Variants in CDYL2 observed in about 807,000 individuals in gnomAD.
The protein encoded by CDYL2 is chromodomain Y-like protein 2.
A neutral mutation model predicts 49.4 loss-of-function variants in CDYL2; 23 were observed. The observed-to-expected ratio is 0.47, with a 90% CI of 0.34 to 0.66. The LOEUF (loss-of-function observed/expected upper bound fraction) is 0.66. Ranked by LOEUF, CDYL2 falls within the 30% of genes least tolerant of loss-of-function variation. The pLI, the probability that CDYL2 is intolerant of heterozygous loss-of-function variation, is 0.01. For synonymous variants in CDYL2, 360 were observed against 268.8 expected (o/e 1.34, Z -3.32); for missense variants, 678 against 656.4 (o/e 1.03, Z -0.36).
At chr16:80,716,154 C>T (rs1904791394) in intron 1 of CDYL2, among the ~76,000 whole-genome samples, 1 of 152,248 alleles carries the variant, frequency 6.6e-6, no homozygotes. Context: ...ACTGTTCACT[C>T]CTCATTCTTA....
At chr16:80,631,953 G>A (rs1047148979) in intron 3 of CDYL2, among the ~76,000 whole-genome samples, 1 of 152,148 alleles carries the variant, frequency 6.6e-6, no homozygotes, top group African/African-American at 2.4e-5. Context: ...ACGTAAAATG[G>A]GGGACCCACT....
intron 1 of CDYL2, among the ~76,000 whole-genome samples, chr16:80,713,318 G>T (rs182568413): frequency 1.3e-5 from 2 of 152,340 alleles, no homozygotes; most frequent in East Asian, 1.9e-4. Flanking sequence ...TGTGGGAGAA[G>T]TCTGCAATCA....
At chr16:80,646,290 T>A (rs4366717) in intron 2 of CDYL2, among the ~76,000 whole-genome samples, 77,621 of 151,694 alleles carry the variant, frequency 0.51, 21,915 homozygotes, top group African/African-American at 0.74. Context: ...TACAAAAAAA[T>A]TAACAAACAA....
intron 3 of CDYL2, among the ~76,000 whole-genome samples, chr16:80,624,214 G>T (rs1013586485): frequency 1.3e-5 from 2 of 152,204 alleles, no homozygotes; most frequent in African/African-American, 4.8e-5. Flanking sequence ...GGAAGCCTAT[G>T]ATGGAATCGG....
rs938129660 is a variant in CDYL2, at chr16:80,804,576, C to T, written c.-403G>A. Among the ~76,000 whole-genome samples, 1 of 145,318 alleles carries T rather than the reference C, an allele frequency of 6.9e-6. No homozygotes were observed. Among genetic ancestry groups the T allele is most frequent in the Admixed American group, 6.8e-5 (1 of 14,712 alleles). ...GCAGGAAGCCGCCCGGCGCCCGCCG[C>T]CGGCCCGGACGCTGCTGCCACTGGG... On this transcript the variant is annotated 5_prime_UTR_variant, in exon 1 of 7. Coordinates refer to ENST00000570137, the MANE Select transcript of CDYL2 (RefSeq NM_152342.4).
chr16:80,650,349 G>C (rs1424790821), intron 2 of CDYL2, among the ~76,000 whole-genome samples: 1 of 152,200 alleles, frequency 6.6e-6, no homozygotes, highest in Non-Finnish European at 1.5e-5. Context: ...ATGGCAAACA[G>C]GGATATGAAA....
At chr16:80,712,033 A>G (rs368532064) in intron 1 of CDYL2, among the ~76,000 whole-genome samples, 12 of 150,466 alleles carry the variant, frequency 8.0e-5, no homozygotes, top group South Asian at 4.2e-4. Flanking sequence ...ATATGTGTGT[A>G]TATATATGTG....
chr16:80,710,666 T>C (rs1205984769), intron 1 of CDYL2, among the ~76,000 whole-genome samples: 1 of 152,206 alleles, frequency 6.6e-6, no homozygotes, highest in Non-Finnish European at 1.5e-5. Flanking sequence ...ATGATTTTAG[T>C]TGTATTGTCA....
intron 1 of CDYL2, among the ~76,000 whole-genome samples, chr16:80,802,730 G>C (rs927692613): frequency 3.9e-5 from 6 of 152,160 alleles, no homozygotes; most frequent in Admixed American, 6.5e-5. Flanking sequence ...GGTCACACAG[G>C]AGACCTGTGC....
chr16:80,620,597 C>A (rs981394953), intron 4 of CDYL2, among the ~76,000 whole-genome samples, 166 bp downstream of exon 4: 2 of 152,162 alleles, frequency 1.3e-5, no homozygotes, highest in Non-Finnish European at 2.9e-5. Context: ...AGATAAATAA[C>A]CAACATTTTA....
rs140839913 is a variant in CDYL2, at chr16:80,644,483, T to C, written c.617-11247A>G. ...CACTCTACTTGTACCAATTTCATGC[T>C]GCTGATAAAGACACTGGGTAGACTG... is the stretch of plus-strand genomic sequence containing the variant. On this transcript the variant is annotated intron_variant, in intron 2 of 6. Coordinates refer to ENST00000570137, the MANE Select transcript of CDYL2 (RefSeq NM_152342.4). Among the ~76,000 whole-genome samples the C allele has an allele frequency of 2.6e-3, 395 of 152,322 alleles. 1 individual carries two copies. Among genetic ancestry groups the C allele is most frequent in the African/African-American group, 8.7e-3 (360 of 41,570 alleles).
intron 4 of CDYL2, among the ~76,000 whole-genome samples, chr16:80,613,899 T>C (rs1241823989): frequency 1.3e-5 from 2 of 152,222 alleles, no homozygotes; most frequent in African/African-American, 4.8e-5. Flanking sequence ...CTGCCTCAGC[T>C]TACCTCTCCA....
At chr16:80,666,227 G>C (rs761178144) in intron 2 of CDYL2, among the ~76,000 whole-genome samples, 1 of 152,146 alleles carries the variant, frequency 6.6e-6, no homozygotes, top group Non-Finnish European at 1.5e-5. Context: ...CTACCTGCCT[G>C]CTCTTATCAG....
chr16:80,738,168 C>T (rs1037619413), intron 1 of CDYL2, among the ~76,000 whole-genome samples: 1 of 152,162 alleles, frequency 6.6e-6, no homozygotes. Context: ...TTTCCAGCTT[C>T]ATCCATGTCC....
intron 1 of CDYL2, among the ~76,000 whole-genome samples, chr16:80,692,273 T>C (rs1910447374): frequency 6.6e-6 from 1 of 152,228 alleles, no homozygotes; most frequent in South Asian, 2.1e-4. Context: ...CTGAATTATC[T>C]GCCTCATCCC....
At position 80,804,514 on chromosome 16, in the gene CDYL2, T is replaced by C. The variant is rs1908039806; in HGVS notation, c.-341A>G. ...CCGCGACCCGGCGACCCGGCGGCGG[T>C]GGCTGCAGCCGGCAACGGCTCGCCC... On this transcript the variant is annotated 5_prime_UTR_variant, in exon 1 of 7. Transcript: ENST00000570137. Among the ~76,000 whole-genome samples, 1 of 139,952 alleles carries C rather than the reference T, an allele frequency of 7.1e-6. No individual in the cohort carries two copies. Among genetic ancestry groups the C allele is most frequent in the Non-Finnish European group, 1.6e-5 (1 of 64,024 alleles). The allele number at this position is 139,952 out of a possible 152,430, so 91.8% of individuals were successfully genotyped here.
At chr16:80,663,949 G>C (rs960631904) in intron 2 of CDYL2, among the ~76,000 whole-genome samples, 3 of 152,116 alleles carry the variant, frequency 2.0e-5, no homozygotes, top group African/African-American at 4.8e-5. Flanking sequence ...AAACTAACCT[G>C]ATTAAAAGGA....
At chr16:80,682,582 C>T (rs560452849) in intron 2 of CDYL2, among the ~76,000 whole-genome samples, 1 of 152,320 alleles carries the variant, frequency 6.6e-6, no homozygotes, top group East Asian at 1.9e-4. Context: ...CTGTCAGCTA[C>T]AGTCAGCAAA....
At position 80,603,429 on chromosome 16, in the gene CDYL2, C is replaced by G. The variant is rs140411326; in HGVS notation, c.*959G>C. ...ACTCTCCCAAGATGTCTCCTAAGGA[C>G]AAACCTAAGGAACTAGTATTCTATT... is the stretch of plus-strand genomic sequence containing the variant. On this transcript the variant is annotated 3_prime_UTR_variant, in exon 7 of 7. Transcript: ENST00000570137. The G allele has an allele frequency of 6.6e-6, 1 of 152,196 alleles. No individual in the cohort carries two copies. The highest frequency in any genetic ancestry group is 1.5e-5 in the Non-Finnish European group (1 of 68,028). The allele number at this position is 152,196 out of a possible 1,614,324, so 9.4% of individuals were successfully genotyped here.
Sources: allele counts gnomAD v4.1 joint callset (sites outside exome capture counted in the v4.1 genomes callset), GRCh38; gene constraint gnomAD v4.1.1; transcripts MANE v1.5; gene names NCBI Gene and HGNC (gene_info 2026-07-23, HGNC 2026-07-21).